DCAF11: variants seen among roughly 807,000 people sequenced by gnomAD.
DCAF11 encodes the protein DDB1 and CUL4 associated factor 11.
In DCAF11, 44 loss-of-function variants were observed where a neutral mutation model predicts 76.1. That is an observed-to-expected ratio of 0.58 (90% confidence interval 0.45 to 0.74). The LOEUF is 0.74. Ranked by LOEUF, DCAF11 falls within the 30% of genes least tolerant of loss-of-function variation. The probability of loss-of-function intolerance (pLI) is 0.00; values close to 1 mark genes in which losing one functional copy is unlikely to be tolerated. For missense variants in DCAF11, 604 were observed against 709.4 expected, an observed-to-expected ratio of 0.85 and a Z score of 1.69; for synonymous variants, 258 against 255.0, an observed-to-expected ratio of 1.01 and a Z score of -0.11.
At position 24,120,844 on chromosome 14, in the gene DCAF11, G is replaced by A. The variant is rs763028259; in HGVS notation, c.1099G>A (p.Ala367Thr). 3 of 1,614,086 alleles carry A rather than the reference G, an allele frequency of 1.9e-6. No homozygotes were observed. The highest frequency in any genetic ancestry group is 2.5e-6 in the Non-Finnish European group (3 of 1,180,032). ...GITFIDSKGD[A>T]RYLISNSKDQ... ...TCCACCTTTGGATTCATAGGGTGAT[G>A]CCCGGTATCTGATCTCCAACTCTAA... Residue 367 changes from alanine to threonine, a missense_variant, in exon 12 of 15, where the codon GCC becomes ACC. Transcript: ENST00000446197.
rs1411949461 is a variant in DCAF11 at position 24,119,805 on chromosome 14, T to C, written c.1001T>C (p.Val334Ala). 1.9e-6 allele frequency: 3 copies of C among 1,614,024 alleles called. No homozygotes were observed. Among genetic ancestry groups the C allele is most frequent in the African/African-American group, 1.3e-5 (1 of 74,908 alleles). The change falls in exon 11 of 15, where the codon GTG becomes GCG. Residue 334 changes from valine to alanine, a missense_variant. Transcript: ENST00000446197. The part of the protein sequence containing the change: ...FSGGDDAICK[V>A]WDRRTMREDD... ...GGGGGAGATGATGCCATCTGCAAAG[T>C]GTGGGATCGACGCACCATGCGGGAG...
rs2037604956 is a variant in DCAF11, at chr14:24,117,512, G to C, written c.411+119G>C. ...GTAGAAGCCTCAAGCGCTGGGGCTG[G>C]AGAGTTAACCAGCCTCCATCGGAGT... On this transcript the variant is annotated intron_variant, in intron 4 of 14. Transcript: ENST00000446197. This position sits in a 1 kb window ranked among gnomAD's most constrained non-coding sequence, Gnocchi z 4.3. The C allele has an allele frequency of 6.5e-7, 1 of 1,546,140 alleles. No homozygotes were observed.
chr14:24,116,129 C>A (rs891128668), intron 2 of DCAF11, among the ~76,000 whole-genome samples: 2 of 151,568 alleles, frequency 1.3e-5, no homozygotes, highest in African/African-American at 4.8e-5. Flanking sequence ...TTTAGTAAGG[C>A]AGTTGACACA....
intron 8 of DCAF11, 140 bp downstream of exon 8, chr14:24,118,944 C>A (rs2037637090): frequency 2.6e-6 from 3 of 1,165,044 alleles, no homozygotes; most frequent in Admixed American, 1.9e-5. Context: ...GAGGGAAGCA[C>A]CATCTTGTCA....
In DCAF11 at chr14:24,119,150, A is replaced by G; in HGVS notation, c.785A>G (p.Asp262Gly). The change falls in exon 9 of 15, where the codon GAT becomes GGT. Residue 262 changes from aspartate (D) to glycine (G), a missense_variant. By Grantham distance (94) the Asp-to-Gly change is moderately conservative. Coordinates refer to ENST00000446197, the MANE Select transcript of DCAF11 (RefSeq NM_025230.5). ...DTHTALDLRP[D>G]ERRFAVFSIA... The stretch of plus-strand genomic sequence containing the variant: ...CAGCTCCTTCTTGCTTTTAGGCCAG[A>G]TGAGCGTCGCTTTGCTGTCTTCTCC... The G allele has an allele frequency of 1.9e-6, 3 of 1,614,226 alleles. No individual in the cohort carries two copies. The highest frequency in any genetic ancestry group is 1.7e-5 in the Admixed American group (1 of 60,030).
rs745360156 is a variant in DCAF11, at chr14:24,119,893, C to T, written c.1089C>T (p.Ser363=). ...GHQDGITFID[S]KGDARYLISN... ...AGGATGGCATCACCTTCATTGACAG[C>T]AAGGTGGGCCAGAAGTCAGGACTGT... is the stretch of plus-strand genomic sequence containing the variant. Residue 363 remains serine (S), a synonymous_variant, in exon 11 of 15, where the codon AGC becomes AGT. Coordinates refer to ENST00000446197, the MANE Select transcript of DCAF11 (RefSeq NM_025230.5). The T allele has an allele frequency of 3.7e-6, 6 of 1,609,356 alleles. No individual in the cohort carries two copies. The South Asian group carries it at 5.5e-5, about 15-fold the overall frequency.
chr14:24,114,798 G>T lies in DCAF11; in HGVS notation c.-709G>T. On this transcript the variant is annotated 5_prime_UTR_variant, in exon 1 of 15. Coordinates refer to ENST00000446197, the MANE Select transcript of DCAF11 (RefSeq NM_025230.5). ...CGTCGTGTGACGTTTGCAGCCCGCCGGCCAGGAAGCCGCGAGATGCGTGAC... is the reference window on the plus strand; with the variant it reads ...CGTCGTGTGACGTTTGCAGCCCGCCTGCCAGGAAGCCGCGAGATGCGTGAC... 1 of 985,978 alleles carries T rather than the reference G, an allele frequency of 1.0e-6. No individual in the cohort carries two copies. 61.1% of individuals were successfully genotyped at this position (985,978 alleles called of 1,614,324 possible).
chr14:24,118,125 G>A lies in DCAF11; in HGVS notation c.547G>A (p.Asp183Asn). 6.2e-7 allele frequency: 1 copy of A among 1,613,330 alleles called. No homozygotes were observed. The highest frequency in any genetic ancestry group is 8.5e-7 in the Non-Finnish European group (1 of 1,179,770). ...GGCTTTCTGTGGCATCTACAGCAAAGATGGTCAAATATTCATGTCTGCTTG... is the reference window on the plus strand; with the variant it reads ...GGCTTTCTGTGGCATCTACAGCAAAAATGGTCAAATATTCATGTCTGCTTG... ...QKAFCGIYSKDGQIFMSACQD... is the reference protein window; with the variant it reads ...QKAFCGIYSKNGQIFMSACQD... Residue 183 changes from aspartate to asparagine, a missense_variant, in exon 6 of 15, where the codon GAT becomes AAT. Physicochemically the swap from Asp to Asn is conservative, Grantham distance 23. Coordinates refer to ENST00000446197, the MANE Select transcript of DCAF11 (RefSeq NM_025230.5).
In DCAF11 at chr14:24,123,218, A is replaced by G; in HGVS notation, c.1550A>G (p.Tyr517Cys). 6.3e-7 allele frequency: 1 copy of G among 1,589,506 alleles called. No individual in the cohort carries two copies. Among genetic ancestry groups the G allele is most frequent in the Non-Finnish European group, 8.6e-7 (1 of 1,166,082 alleles). The stretch of plus-strand genomic sequence containing the variant: ...CTGTGGCAGTACCGCCAGGCTGAGT[A>G]CTTCCAGGATGACATGCCAGAATCT... ...LRLWQYRQAEYFQDDMPESEE... is the reference protein window; with the variant it reads ...LRLWQYRQAECFQDDMPESEE... The change falls in exon 15 of 15, where the codon TAC (tyrosine) becomes TGC (cysteine). Residue 517 changes from tyrosine (Y) to cysteine (C), a missense_variant. Coordinates refer to ENST00000446197, the MANE Select transcript of DCAF11 (RefSeq NM_025230.5).
In DCAF11 at chr14:24,115,804, C is replaced by G. The variant is rs955460807; in HGVS notation, c.155+55C>G. ...AGGTGCTACCACAGTGCCTTGATCCCAACTCCAGGCAGGAAAATTACAGAG... is the reference window on the plus strand; with the variant it reads ...AGGTGCTACCACAGTGCCTTGATCCGAACTCCAGGCAGGAAAATTACAGAG... On this transcript the variant is annotated intron_variant, in intron 2 of 14. Coordinates refer to ENST00000446197, the MANE Select transcript of DCAF11 (RefSeq NM_025230.5). The G allele has an allele frequency of 3.8e-6, 6 of 1,565,184 alleles. No homozygotes were observed. In the African/African-American group the frequency reaches 5.4e-5, roughly 14 times the overall value.
rs769015858 is a variant in DCAF11 at position 24,118,835 on chromosome 14, C to G, written c.779+31C>G. The G allele has an allele frequency of 1.9e-6, 3 of 1,611,852 alleles. No individual in the cohort carries two copies. The Admixed American group carries it at 5.0e-5, about 27-fold the overall frequency. Reference sequence around the variant, plus strand: ...GGCTTCCCTTTCTGGTCAGACTCATCAGAAACTTCTCAAGGGAAGCTCTTT... The same window carrying G: ...GGCTTCCCTTTCTGGTCAGACTCATGAGAAACTTCTCAAGGGAAGCTCTTT... On this transcript the variant is annotated intron_variant, in intron 8 of 14. Transcript: ENST00000446197.
In DCAF11 at chr14:24,118,702, C is replaced by T. The variant is rs182072914; in HGVS notation, c.725-48C>T. 1.5e-3 allele frequency: 2,463 copies of T among 1,608,678 alleles called. 50 individuals are homozygous for T. The highest frequency in any genetic ancestry group is 2.1e-3 in the East Asian group (96 of 44,850). The stretch of plus-strand genomic sequence containing the variant: ...TCTCTTCCCTAGCTTCACTTCCACT[C>T]TTCTTCCCCCATCCCTGAAAGATTC... On this transcript the variant is annotated intron_variant, in intron 7 of 14. Transcript: ENST00000446197.
chr14:24,123,833 C>T lies in DCAF11; in HGVS notation c.*524C>T, dbSNP rs1189681331. Reference sequence around the variant, plus strand: ...ATTATGTCTGCTGTCATGTCTGGGTCTTTAGGGTAGGACAGGCTGTGGTAT... The same window carrying T: ...ATTATGTCTGCTGTCATGTCTGGGTTTTTAGGGTAGGACAGGCTGTGGTAT... On this transcript the variant is annotated 3_prime_UTR_variant, in exon 15 of 15. Transcript: ENST00000446197. 2 of 152,766 alleles carry T rather than the reference C, an allele frequency of 1.3e-5. No homozygotes were observed. The highest frequency in any genetic ancestry group is 2.9e-5 in the Non-Finnish European group (2 of 68,502). The allele number at this position is 152,766 out of a possible 1,614,324, so 9.5% of individuals were successfully genotyped here.
At position 24,115,034 on chromosome 14, in the gene DCAF11, G is replaced by C. The variant is rs1343921810; in HGVS notation, c.-473G>C. 2 of 985,680 alleles carry C rather than the reference G, an allele frequency of 2.0e-6. No individual in the cohort carries two copies. Among genetic ancestry groups the C allele is most frequent in the South Asian group, 9.3e-5 (2 of 21,468 alleles). 61.1% of individuals were successfully genotyped at this position (985,680 alleles called of 1,614,324 possible). ...CCGGCGCACCACGTGGGCGTGAGGCGAGGAAGGAGGGGTGTTAGGCCAAAT... is the reference window on the plus strand; with the variant it reads ...CCGGCGCACCACGTGGGCGTGAGGCCAGGAAGGAGGGGTGTTAGGCCAAAT... On this transcript the variant is annotated 5_prime_UTR_variant, in exon 1 of 15. Transcript: ENST00000446197.
rs765222320 is a variant in DCAF11, at chr14:24,121,040, C to T, written c.1246+49C>T. 8.1e-6 allele frequency: 13 copies of T among 1,603,008 alleles called. 1 individual carries two copies. The highest frequency in any genetic ancestry group is 1.3e-5 in the African/African-American group (1 of 74,662). On this transcript the variant is annotated intron_variant, in intron 12 of 14. Transcript: ENST00000446197. Reference sequence around the variant, plus strand: ...GTGGATTTGTCTGTAGCCTGGGAGCCCTGGAGGACCTCCCCCTCAGCCCTC... The same window carrying T: ...GTGGATTTGTCTGTAGCCTGGGAGCTCTGGAGGACCTCCCCCTCAGCCCTC...
intron 11 of DCAF11, among the ~76,000 whole-genome samples, chr14:24,120,285 C>T (rs962460129): frequency 6.6e-5 from 10 of 151,898 alleles, no homozygotes; most frequent in Non-Finnish European, 4.4e-5. Flanking sequence ...GGCCAGATGC[C>T]GTGGCTCATG....
At position 24,117,684 on chromosome 14, in the gene DCAF11, G is replaced by A; in HGVS notation, c.428G>A (p.Cys143Tyr). 1 of 1,614,124 alleles carries A rather than the reference G, an allele frequency of 6.2e-7. No individual in the cohort carries two copies. Among genetic ancestry groups the A allele is most frequent in the Non-Finnish European group, 8.5e-7 (1 of 1,179,990 alleles). ...TCCATTTAGAGAGAACGGGGCCTCT[G>A]CCATCGGGGAAGCTTCTCCCTTGGA... is the stretch of plus-strand genomic sequence containing the variant. ...RMLHQRERGL[C>Y]HRGSFSLGEQ... Residue 143 changes from cysteine (C) to tyrosine (Y), a missense_variant, in exon 5 of 15, where the codon TGC (cysteine) becomes TAC (tyrosine). Coordinates refer to ENST00000446197, the MANE Select transcript of DCAF11 (RefSeq NM_025230.5). This position sits in a 1 kb window ranked among gnomAD's most constrained non-coding sequence, Gnocchi z 4.3.
intron 2 of DCAF11, among the ~76,000 whole-genome samples, 197 bp downstream of exon 2, chr14:24,115,946 G>A (rs1388975922): frequency 6.6e-6 from 1 of 152,136 alleles, no homozygotes; most frequent in Non-Finnish European, 1.5e-5. Context: ...TACCTAGGGA[G>A]GGTCACCAAG....
At position 24,115,525 on chromosome 14, in the gene DCAF11, G is replaced by C; in HGVS notation, c.-70G>C. ...CCCTGGTATTTCTAGAGCACGCTTT[G>C]CTTTCACCAAACCCAAGGAGGTGAC... On this transcript the variant is annotated 5_prime_UTR_variant, in exon 2 of 15. Coordinates refer to ENST00000446197, the MANE Select transcript of DCAF11 (RefSeq NM_025230.5). 6.5e-7 allele frequency: 1 copy of C among 1,532,002 alleles called. No homozygotes were observed. The highest frequency in any genetic ancestry group is 8.8e-7 in the Non-Finnish European group (1 of 1,141,146). 94.9% of individuals were successfully genotyped at this position (1,532,002 alleles called of 1,614,324 possible).
Sources: gnomAD v4.1 joint callset for allele counts (sites outside exome capture counted in the v4.1 genomes callset) on GRCh38, gnomAD v4.1.1 for gene constraint, Gnocchi (gnomAD v3.1) non-coding constraint, MANE v1.5 for transcripts, NCBI Gene and HGNC (gene_info 2026-07-23, HGNC 2026-07-21) for gene names.